MAPKBP1: variants seen among roughly 807,000 people sequenced by gnomAD.
MAPKBP1 encodes mitogen-activated protein kinase binding protein 1.
Under a neutral mutation model 170.5 loss-of-function variants are expected in MAPKBP1, and 71 were observed. The observed-to-expected ratio is 0.42, with a 90% confidence interval of 0.34 to 0.51. MAPKBP1 has a LOEUF of 0.51. MAPKBP1 is among the 20% of genes least tolerant of loss of function. The pLI is 0.06. For missense variants in MAPKBP1, 1,598 were observed against 1,933.0 expected (o/e 0.83, Z 3.25); for synonymous variants, 719 against 757.9 (o/e 0.95, Z 0.84).
chr15:41,812,940 C>T lies in MAPKBP1; in HGVS notation c.658C>T (p.Leu220=), dbSNP rs2064827684. The change falls in exon 8 of 31, where the codon CTG becomes TTG. Residue 220 remains leucine, a synonymous_variant. Coordinates refer to ENST00000457542, the MANE Select transcript of MAPKBP1 (RefSeq NM_014994.3). The stretch of plus-strand genomic sequence containing the variant: ...ACAGGTGAATGCCACTGTGCCCTTG[C>T]TGGGCCGCTCAGGGCTGCTGGGAGA... The part of the protein sequence containing the change: ...TSKVNATVPL[L]GRSGLLGELR... 1 of 1,605,906 alleles carries T rather than the reference C, an allele frequency of 6.2e-7. No homozygotes were observed. The highest frequency in any genetic ancestry group is 1.7e-5 in the Admixed American group (1 of 59,142).
At chr15:41,810,745 G>T in intron 3 of MAPKBP1, 138 bp from the exon 4 acceptor site, 2 of 588,146 alleles carry the variant, frequency 3.4e-6, no homozygotes, top group Non-Finnish European at 6.0e-6. Flanking sequence ...AAAAAGAAAA[G>T]GAAAAAAACA....
chr15:41,823,386 G>T, intron 28 of MAPKBP1, 61 bp from the exon 29 acceptor site: 1 of 1,562,602 alleles, frequency 6.4e-7, no homozygotes, highest in Non-Finnish European at 8.7e-7. Flanking sequence ...GGGATTGGGT[G>T]TTGGCACCTG....
At chr15:41,822,473 C>G in intron 26 of MAPKBP1, 51 bp downstream of exon 26, 1 of 1,605,214 alleles carries the variant, frequency 6.2e-7, no homozygotes, top group Middle Eastern at 1.7e-4. Context: ...CTTCTCCCCT[C>G]CTTGCCTACC....
chr15:41,798,426 G>A (rs908027951), intron 2 of MAPKBP1, among the ~76,000 whole-genome samples: 1 of 151,414 alleles, frequency 6.6e-6, no homozygotes, highest in Non-Finnish European at 1.5e-5. Context: ...GGGATTACAG[G>A]CACCAACCAC....
intron 2 of MAPKBP1, among the ~76,000 whole-genome samples, chr15:41,795,912 C>T (rs778825724): frequency 1.3e-5 from 2 of 152,098 alleles, no homozygotes; most frequent in Non-Finnish European, 2.9e-5. Context: ...CCCGGCCTCT[C>T]ATTTATATTT....
At chr15:41,822,728 C>T in intron 27 of MAPKBP1, 51 bp downstream of exon 27, 1 of 1,594,538 alleles carries the variant, frequency 6.3e-7, no homozygotes. Context: ...CCTCGCCTCC[C>T]AGGGCTGCTG....
At position 41,816,411 on chromosome 15, in the gene MAPKBP1, T is replaced by C. The variant is rs747805576; in HGVS notation, c.1494-148T>C. On this transcript the variant is annotated intron_variant, in intron 12 of 30. Transcript: ENST00000457542. The stretch of plus-strand genomic sequence containing the variant: ...TAGGGAAAGCTGGGTAAGGGAAATA[T>C]AGACGCTCTCTGTTCTTTCAGCAAC... 13 of 600,266 alleles carry C rather than the reference T, an allele frequency of 2.2e-5. No individual in the cohort carries two copies. In the African/African-American group the frequency reaches 2.4e-4, roughly 11 times the overall value. 37.2% of individuals were successfully genotyped at this position (600,266 alleles called of 1,614,324 possible). A position where few individuals can be genotyped will look rare whatever the true frequency, so the allele number is the denominator to read the frequency against.
chr15:41,796,707 G>A (rs868382509), intron 2 of MAPKBP1, among the ~76,000 whole-genome samples: 1 of 152,138 alleles, frequency 6.6e-6, no homozygotes, highest in African/African-American at 2.4e-5. Flanking sequence ...CTGCCTGTGG[G>A]GTTTTCCTAG....
In MAPKBP1 at chr15:41,802,992, ATGT is replaced by A. The variant is rs530661189; in HGVS notation, c.206+3080_206+3082del. Among the ~76,000 whole-genome samples the A allele has an allele frequency of 1.6e-4, 24 of 152,272 alleles. No homozygotes were observed. In the South Asian group the frequency reaches 5.0e-3, roughly 32 times the overall value. ...TACATGCCCTTCGCTGTTGACCAAA[ATGT>A]TATTATGTGACGTATGACTGTACTT... On this transcript the variant is annotated intron_variant, in intron 3 of 30. Transcript: ENST00000457542.
chr15:41,819,578 T>G lies in MAPKBP1; in HGVS notation c.2426-17T>G, dbSNP rs200801597. ...GGGGGCAGGAGACACTTCCTCTGACTGCCTGTTTCTGTCTAGCCTCGGTCC... is the reference window on the plus strand; with the variant it reads ...GGGGGCAGGAGACACTTCCTCTGACGGCCTGTTTCTGTCTAGCCTCGGTCC... On this transcript the variant is annotated splice_polypyrimidine_tract_variant and intron_variant, in intron 21 of 30. Coordinates refer to ENST00000457542, the MANE Select transcript of MAPKBP1 (RefSeq NM_014994.3). 3.2e-3 allele frequency: 5,052 copies of G among 1,583,830 alleles called. 24 individuals carry two copies. Among genetic ancestry groups the G allele is most frequent in the Non-Finnish European group, 3.0e-3 (3,511 of 1,158,316 alleles).
At chr15:41,803,929 C>T (rs1351830255) in intron 3 of MAPKBP1, among the ~76,000 whole-genome samples, 2 of 152,084 alleles carry the variant, frequency 1.3e-5, no homozygotes, top group Non-Finnish European at 2.9e-5. Flanking sequence ...CAACCTCCGC[C>T]TCCTGGGTTC....
rs2065092031 is a variant in MAPKBP1, at chr15:41,826,277, C to A, written c.*841C>A. 2 of 152,750 alleles carry A rather than the reference C, an allele frequency of 1.3e-5. No individual in the cohort carries two copies. Among genetic ancestry groups the A allele is most frequent in the Non-Finnish European group, 1.5e-5 (1 of 68,192 alleles). The allele number at this position is 152,750 out of a possible 1,614,324, so 9.5% of individuals were successfully genotyped here. ...GAGCCCAGAGGCCACCTTCTCCCTG[C>A]ATCCTGAATGATGCTTAGTCAGAAG... is the stretch of plus-strand genomic sequence containing the variant. On this transcript the variant is annotated 3_prime_UTR_variant, in exon 31 of 31. Coordinates refer to ENST00000457542, the MANE Select transcript of MAPKBP1 (RefSeq NM_014994.3).
chr15:41,779,791 C>A (rs553525959), intron 2 of MAPKBP1, among the ~76,000 whole-genome samples: 1 of 152,348 alleles, frequency 6.6e-6, no homozygotes, highest in South Asian at 2.1e-4. Flanking sequence ...AGCTATGCCC[C>A]TCACCAGCCT....
intron 2 of MAPKBP1, among the ~76,000 whole-genome samples, chr15:41,780,299 G>C (rs1268645974): frequency 6.6e-6 from 1 of 152,196 alleles, no homozygotes; most frequent in African/African-American, 2.4e-5. Context: ...TGAAAAAACA[G>C]GTAGAAATGA....
At chr15:41,777,709 T>G (rs550774134) in intron 2 of MAPKBP1, among the ~76,000 whole-genome samples, 1 of 152,354 alleles carries the variant, frequency 6.6e-6, no homozygotes, top group South Asian at 2.1e-4. Context: ...GAGATTATTC[T>G]AAAAGCCTGC....
chr15:41,813,475 G>A, intron 8 of MAPKBP1, 146 bp from the exon 9 acceptor site: 1 of 1,418,196 alleles, frequency 7.1e-7, no homozygotes, highest in Non-Finnish European at 9.9e-7. Flanking sequence ...CAGGGCTGAG[G>A]GGCTCAGAAC....
In MAPKBP1 at chr15:41,826,230, C is replaced by T. The variant is rs2065090400; in HGVS notation, c.*794C>T. 1 of 152,914 alleles carries T rather than the reference C, an allele frequency of 6.5e-6. No individual in the cohort carries two copies. Among genetic ancestry groups the T allele is most frequent in the African/African-American group, 2.4e-5 (1 of 41,446 alleles). 9.5% of individuals were successfully genotyped at this position (152,914 alleles called of 1,614,324 possible). On this transcript the variant is annotated 3_prime_UTR_variant, in exon 31 of 31. Coordinates refer to ENST00000457542, the MANE Select transcript of MAPKBP1 (RefSeq NM_014994.3). ...CCCCTTGTTCTTCCCTGTCCTCCAC[C>T]CTGGACCCCAGCCGGCTGCTGGAGC...
At position 41,823,999 on chromosome 15, in the gene MAPKBP1, C is replaced by G. The variant is rs780935069; in HGVS notation, c.4151C>G (p.Pro1384Arg). The G allele has an allele frequency of 6.2e-7, 1 of 1,613,136 alleles. No homozygotes were observed. Among genetic ancestry groups the G allele is most frequent in the Non-Finnish European group, 8.5e-7 (1 of 1,180,012 alleles). ...QGPENLQPPP[P>R]EKTPNPMECT... ...CCTGAAAACTTGCAGCCCCCACCCCCTGAGAAGACTCCCAACCCCATGGAA... is the reference window on the plus strand; with the variant it reads ...CCTGAAAACTTGCAGCCCCCACCCCGTGAGAAGACTCCCAACCCCATGGAA... Residue 1384 changes from proline (P) to arginine (R), a missense_variant, in exon 29 of 31, where the codon CCT (proline) becomes CGT (arginine). Pro to Arg is a moderately radical substitution (Grantham distance 103). Around this residue, in one of 6 missense-constraint regions of MAPKBP1, gnomAD observed 942 missense variants for 953.2 expected, o/e 0.99. Coordinates refer to ENST00000457542, the MANE Select transcript of MAPKBP1 (RefSeq NM_014994.3).
chr15:41,819,462 G>C, intron 21 of MAPKBP1, 83 bp downstream of exon 21: 1 of 1,595,174 alleles, frequency 6.3e-7, no homozygotes, highest in Non-Finnish European at 8.5e-7. Context: ...TGTGGGGTGA[G>C]AGCAGTGTGA....
Sources: allele counts gnomAD v4.1 joint callset (sites outside exome capture counted in the v4.1 genomes callset), GRCh38; gene constraint gnomAD v4.1.1; regional missense constraint gnomAD v4.1.1; transcripts MANE v1.5; gene names NCBI Gene and HGNC (gene_info 2026-07-23, HGNC 2026-07-21).